The following SYT16 variants were observed in gnomAD, a reference collection of about 807,000 sequenced individuals.
SYT16 encodes synaptotagmin 16.
SYT16 carries 42 observed loss-of-function variants against 61.4 expected under a neutral mutation model. The ratio of observed to expected loss-of-function variants is 0.68; its 90% confidence interval spans 0.53 to 0.89. The LOEUF (loss-of-function observed/expected upper bound fraction) is 0.89. Among genes scored for constraint, SYT16 ranks in the 40% least tolerant of loss-of-function variants. The pLI, the probability that SYT16 is intolerant of heterozygous loss-of-function variation, is 0.00. For missense variants in SYT16, 804 were observed against 807.3 expected, an observed-to-expected ratio of 1.00 and a Z score of 0.05; for synonymous variants, 314 against 302.3, an observed-to-expected ratio of 1.04 and a Z score of -0.40.
intron 1 of SYT16, among the ~76,000 whole-genome samples, chr14:61,930,587 C>T (rs2049725073): frequency 6.6e-6 from 1 of 151,970 alleles, no homozygotes; most frequent in Non-Finnish European, 1.5e-5. Flanking sequence ...CGAATAGTGC[C>T]CCACATCCCC....
intron 1 of SYT16, among the ~76,000 whole-genome samples, chr14:61,932,733 C>T (rs987179197): frequency 6.6e-6 from 1 of 152,184 alleles, no homozygotes; most frequent in Non-Finnish European, 1.5e-5. Flanking sequence ...GATCTTCTCT[C>T]TCCCTTACAC....
chr14:62,090,913 C>A (rs966621403), intron 7 of SYT16, among the ~76,000 whole-genome samples: 1 of 152,150 alleles, frequency 6.6e-6, no homozygotes, highest in African/African-American at 2.4e-5. Context: ...AGGGAACCTC[C>A]TCTTTATAAA....
At chr14:62,051,140 C>T (rs1000976915) in intron 3 of SYT16, among the ~76,000 whole-genome samples, 3 of 152,266 alleles carry the variant, frequency 2.0e-5, no homozygotes, top group Admixed American at 6.5e-5. Context: ...TTCCCGGCTG[C>T]TTTGTTTACC....
At chr14:61,856,352 G>T (rs60764773) in intron 1 of SYT16, among the ~76,000 whole-genome samples, 7,340 of 152,134 alleles carry the variant, frequency 0.048, 411 homozygotes, top group African/African-American at 0.14. Flanking sequence ...AGTGGAAATG[G>T]TGAGAATAGT....
chr14:61,981,442 T>G (rs1359873907), intron 2 of SYT16, among the ~76,000 whole-genome samples: 1 of 152,132 alleles, frequency 6.6e-6, no homozygotes, highest in East Asian at 1.9e-4. Flanking sequence ...CTAAAAAAAC[T>G]TATTATGGAA....
Position 62,046,279 on chromosome 14 carries a change from G to A in SYT16, c.524-23324G>A, listed in dbSNP as rs1394492937. Among the ~76,000 whole-genome samples the A allele has an allele frequency of 5.9e-5, 9 of 152,190 alleles. No individual in the cohort carries two copies. The South Asian group carries it at 6.2e-4, about 11-fold the overall frequency. On this transcript the variant is annotated intron_variant, in intron 3 of 7. Transcript: ENST00000683842. ...TGAGAAGTGTCTGTTCATATCCTTC[G>A]CCCACTTTTTGATGGGGTTGTTTGT...
chr14:62,006,242 C>T (rs1489216911), intron 3 of SYT16, among the ~76,000 whole-genome samples: 1 of 152,010 alleles, frequency 6.6e-6, no homozygotes, highest in Admixed American at 6.6e-5. Flanking sequence ...TGGAAGACTC[C>T]TCATGCACTC....
At chr14:61,857,969 G>A (rs1158067502) in intron 1 of SYT16, among the ~76,000 whole-genome samples, 1 of 151,928 alleles carries the variant, frequency 6.6e-6, no homozygotes, top group Non-Finnish European at 1.5e-5. Flanking sequence ...TAAAACTACA[G>A]GGGTTTCTCT....
intron 1 of SYT16, among the ~76,000 whole-genome samples, chr14:61,823,397 AT>A (rs1231224514): frequency 6.6e-6 from 1 of 151,886 alleles, no homozygotes; most frequent in African/African-American, 2.4e-5. Flanking sequence ...ACTCTTAATG[AT>A]TTTATCCACT....
chr14:61,845,813 T>C (rs1321651381), intron 1 of SYT16, among the ~76,000 whole-genome samples: 2 of 152,228 alleles, frequency 1.3e-5, no homozygotes, highest in Admixed American at 6.5e-5. Context: ...CTTATAGCTA[T>C]AAACTTCCCT....
At chr14:62,008,631 CTT>C (rs374026559) in intron 3 of SYT16, among the ~76,000 whole-genome samples, 7,168 of 134,830 alleles carry the variant, frequency 0.053, 190 homozygotes, top group African/African-American at 0.075. Flanking sequence ...TTTCTGTTTT[CTT>C]TTTTTTTTTT....
intron 7 of SYT16, among the ~76,000 whole-genome samples, chr14:62,089,241 C>T (rs1190104577): frequency 6.6e-6 from 1 of 151,750 alleles, no homozygotes; most frequent in East Asian, 1.9e-4. Flanking sequence ...ATTGCTGGAA[C>T]CTGGGAGGTT....
chr14:61,895,488 A>G (rs2048294688), intron 1 of SYT16, among the ~76,000 whole-genome samples: 1 of 152,184 alleles, frequency 6.6e-6, no homozygotes, highest in South Asian at 2.1e-4. Flanking sequence ...GAGTTTTCTC[A>G]TCTGCAAAAT....
chr14:62,044,430 T>C (rs1355980334), intron 3 of SYT16, among the ~76,000 whole-genome samples: 5 of 152,236 alleles, frequency 3.3e-5, no homozygotes, highest in African/African-American at 7.2e-5. Context: ...TAGGTATTTG[T>C]CCTAATGTTC....
intron 3 of SYT16, among the ~76,000 whole-genome samples, chr14:62,040,995 A>G (rs932408131): frequency 2.0e-5 from 3 of 152,202 alleles, no homozygotes; most frequent in East Asian, 1.9e-4. Context: ...GGGTCCCACA[A>G]TAGGCCGTCT....
chr14:62,033,502 T>C (rs2054385175), intron 3 of SYT16, among the ~76,000 whole-genome samples: 1 of 152,130 alleles, frequency 6.6e-6, no homozygotes, highest in Non-Finnish European at 1.5e-5. Context: ...AGAAATTTAG[T>C]AATCATGAAT....
chr14:62,000,098 G>GGTTTTTTTTTT lies in SYT16; in HGVS notation c.523+3556_523+3557insGTTTTTTTTTT, dbSNP rs1566751979. 4.8e-4 allele frequency among the ~76,000 whole-genome samples: 17 copies of GGTTTTTTTTTT among 35,518 alleles called. 1 individual carries two copies. The highest frequency in any genetic ancestry group is 2.8e-3 in the African/African-American group (15 of 5,370). The allele number at this position is 35,518 out of a possible 152,430, so 23.3% of individuals were successfully genotyped here. ...TTTTCTAATACTTATTTTGTCTCTC[G>GGTTTTTTTTTT]ATTTTTTTTTTTTTTTTTTTTTTTT... On this transcript the variant is annotated intron_variant, in intron 3 of 7. Transcript: ENST00000683842.
At chr14:61,914,963 A>G (rs1367095916) in intron 1 of SYT16, among the ~76,000 whole-genome samples, 2 of 152,096 alleles carry the variant, frequency 1.3e-5, no homozygotes, top group Non-Finnish European at 2.9e-5. Flanking sequence ...GTTGTACATG[A>G]TCTGGTGCGG....
intron 3 of SYT16, among the ~76,000 whole-genome samples, chr14:62,067,727 G>T (rs1379922163): frequency 1.3e-5 from 2 of 152,184 alleles, no homozygotes; most frequent in Non-Finnish European, 2.9e-5. Context: ...TAGGCTGGGG[G>T]CATGGTGGCT....
Sources: allele counts gnomAD v4.1 joint callset (sites outside exome capture counted in the v4.1 genomes callset), GRCh38; gene constraint gnomAD v4.1.1; transcripts MANE v1.5; gene names NCBI Gene and HGNC (gene_info 2026-07-23, HGNC 2026-07-21).